Variants in COL4A5 observed in about 807,000 individuals in gnomAD.
COL4A5 encodes collagen type IV alpha 5 chain.
Under a neutral mutation model 130.2 loss-of-function variants are expected in COL4A5, and 26 were observed. The ratio of observed to expected loss-of-function variants is 0.20; its 90% CI spans 0.15 to 0.28. The LOEUF is 0.28. Among genes scored for constraint, COL4A5 ranks in the 10% least tolerant of loss-of-function variants. The probability of loss-of-function intolerance (pLI) is 1.00; values close to 1 mark genes in which losing one functional copy is unlikely to be tolerated. For synonymous variants in COL4A5, 496 were observed against 439.6 expected, an observed-to-expected ratio of 1.13 and a Z score of -1.60; for missense variants, 1,131 against 1,344.3, an observed-to-expected ratio of 0.84 and a Z score of 2.48.
chrX:108,662,073 C>A (rs1437837813), intron 37 of COL4A5, among the ~76,000 whole-genome samples: 2 of 64,615 alleles, frequency 3.1e-5, no homozygotes, highest in Non-Finnish European at 5.5e-5. Flanking sequence ...TCCCTCCCCC[C>A]TCCCCCCACC....
intron 1 of COL4A5, among the ~76,000 whole-genome samples, chrX:108,456,344 C>T (rs2147480706): frequency 8.9e-6 from 1 of 112,053 alleles, no homozygotes; most frequent in Admixed American, 9.5e-5. Flanking sequence ...CTGTAAAATT[C>T]ACCCACTTTA....
intron 44 of COL4A5, among the ~76,000 whole-genome samples, chrX:108,677,859 T>C (rs993981597): frequency 1.8e-5 from 2 of 112,025 alleles, no homozygotes; most frequent in African/African-American, 6.5e-5. Flanking sequence ...CCTGGAGTCT[T>C]TGGTATGCAT....
At chrX:108,477,543 G>A (rs1674201903) in intron 1 of COL4A5, among the ~76,000 whole-genome samples, 2 of 111,431 alleles carry the variant, frequency 1.8e-5, no homozygotes, top group South Asian at 3.8e-4. Context: ...GCCGGGCGCG[G>A]TGGCTCATGC....
intron 35 of COL4A5, 120 bp downstream of exon 35, chrX:108,625,914 A>G (rs1226487402): frequency 1.8e-6 from 1 of 559,107 alleles, no homozygotes; most frequent in East Asian, 3.5e-5. Context: ...TATCTGAGGT[A>G]ATCAGTGGGT....
chrX:108,694,742 G>A, intron 50 of COL4A5, 65 bp from the exon 51 acceptor site: 1 of 852,326 alleles, frequency 1.2e-6, no homozygotes, highest in Non-Finnish European at 1.8e-6. Context: ...TTCCAATGAA[G>A]CAGGATGGCT....
chrX:108,527,570 A>G (rs1603264711), intron 1 of COL4A5, among the ~76,000 whole-genome samples: 1 of 111,993 alleles, frequency 8.9e-6, no homozygotes, highest in South Asian at 3.7e-4. Context: ...CACTCTTTCC[A>G]GTGGCAGAGT....
At chrX:108,622,539 A>G (rs1241148623) in intron 32 of COL4A5, 137 bp from the exon 33 acceptor site, 4 of 593,534 alleles carry the variant, frequency 6.7e-6, no homozygotes, top group Non-Finnish European at 2.8e-6. Flanking sequence ...AGTAATTCAT[A>G]GAGTACATCC....
At chrX:108,469,020 T>C (rs570890390) in intron 1 of COL4A5, among the ~76,000 whole-genome samples, 9 of 110,878 alleles carry the variant, frequency 8.1e-5, no homozygotes, top group African/African-American at 2.9e-4. Flanking sequence ...ATTGAGTCAA[T>C]GTCTTTACTT....
At chrX:108,465,074 A>G (rs1249401869) in intron 1 of COL4A5, among the ~76,000 whole-genome samples, 7 of 111,777 alleles carry the variant, frequency 6.3e-5, no homozygotes, top group African/African-American at 2.3e-4. Flanking sequence ...CTATCCCTGT[A>G]CCCTGAAAGC....
At chrX:108,618,270 A>C (rs1193543778) in intron 30 of COL4A5, among the ~76,000 whole-genome samples, 1 of 111,362 alleles carries the variant, frequency 9.0e-6, no homozygotes, top group Non-Finnish European at 1.9e-5. Context: ...GAGGAAGTAT[A>C]GTATAATGTC....
chrX:108,453,126 A>G (rs761700470), intron 1 of COL4A5, among the ~76,000 whole-genome samples: 3 of 111,841 alleles, frequency 2.7e-5, no homozygotes, highest in Admixed American at 9.5e-5. Context: ...GCTGGATTAC[A>G]TTTATTGATT....
At chrX:108,464,911 T>C (rs2064689465) in intron 1 of COL4A5, among the ~76,000 whole-genome samples, 1 of 112,099 alleles carries the variant, frequency 8.9e-6, no homozygotes. Context: ...AATATCAACT[T>C]TATTGAGGTA....
chrX:108,452,209 G>A (rs1296929475), intron 1 of COL4A5, among the ~76,000 whole-genome samples: 1 of 111,982 alleles, frequency 8.9e-6, no homozygotes. Flanking sequence ...CCAGTACCAT[G>A]CTGTTTTGGT....
At chrX:108,678,062 T>C (rs1254386165) in intron 44 of COL4A5, among the ~76,000 whole-genome samples, 2 of 111,956 alleles carry the variant, frequency 1.8e-5, no homozygotes, top group Middle Eastern at 4.2e-3. Flanking sequence ...GCTTTGTATC[T>C]ATGAGGAAAA....
At chrX:108,509,186 A>G (rs766136749) in intron 1 of COL4A5, among the ~76,000 whole-genome samples, 25 of 112,379 alleles carry the variant, frequency 2.2e-4, no homozygotes, top group African/African-American at 8.1e-4. Context: ...ATGGTCTAAT[A>G]TCCAGCATCT....
At chrX:108,689,395 C>G (rs1046794301) in intron 49 of COL4A5, 1 of 750,445 alleles carries the variant, frequency 1.3e-6, no homozygotes, top group Non-Finnish European at 1.6e-6. Flanking sequence ...TTGAGCACTA[C>G]GAATTCAAAA....
intron 1 of COL4A5, among the ~76,000 whole-genome samples, chrX:108,448,028 A>G (rs970768659): frequency 9.0e-6 from 1 of 111,729 alleles, no homozygotes; most frequent in Non-Finnish European, 1.9e-5. Flanking sequence ...ATTTACCTCC[A>G]TAGTCTGTCC....
At chrX:108,665,945 C>T (rs1378400170) in intron 38 of COL4A5, among the ~76,000 whole-genome samples, 9 of 110,115 alleles carry the variant, frequency 8.2e-5, no homozygotes, top group Non-Finnish European at 1.7e-4. Context: ...CCAGCTACTT[C>T]GGAGGTTAAG....
intron 36 of COL4A5, among the ~76,000 whole-genome samples, chrX:108,643,331 G>C (rs954087070): frequency 8.9e-6 from 1 of 111,870 alleles, no homozygotes; most frequent in African/African-American, 3.2e-5. Flanking sequence ...CCTTGCTAGA[G>C]ACCTAGACAT....
Sources: allele counts gnomAD v4.1 joint callset (sites outside exome capture counted in the v4.1 genomes callset), GRCh38; gene constraint gnomAD v4.1.1; transcripts MANE v1.5; gene names NCBI Gene and HGNC (gene_info 2026-07-23, HGNC 2026-07-21).